STOX2: variants seen among roughly 807,000 people sequenced by gnomAD.
The protein encoded by STOX2 is storkhead-box protein 2.
STOX2 carries 28 observed loss-of-function variants against 60.9 expected under a neutral mutation model. That is an observed-to-expected ratio of 0.46 (90% confidence interval 0.34 to 0.63). The LOEUF is 0.63. STOX2 is among the 30% of genes least tolerant of loss of function. STOX2 has a pLI of 0.01. For missense variants in STOX2, 1,024 were observed against 1,187.7 expected, an observed-to-expected ratio of 0.86 and a Z score of 2.03; for synonymous variants, 472 against 463.9, an observed-to-expected ratio of 1.02 and a Z score of -0.22.
chr4:183,874,874 C>G (rs185375842), intron 1 of STOX2, among the ~76,000 whole-genome samples: 1 of 125,162 alleles, frequency 8.0e-6, no homozygotes, highest in South Asian at 2.6e-4. Flanking sequence ...TGCAGTGAGC[C>G]AAGATCATGC....
At chr4:183,830,145 AGCAGAACT>A (rs549875470) in intron 1 of STOX2, among the ~76,000 whole-genome samples, 231 of 152,246 alleles carry the variant, frequency 1.5e-3, no homozygotes, top group African/African-American at 5.3e-3. Context: ...CCAGTGTCTG[AGCAGAACT>A]AATTTCACAT....
At chr4:183,952,595 A>G (rs1450587478) in intron 1 of STOX2, among the ~76,000 whole-genome samples, 1 of 152,264 alleles carries the variant, frequency 6.6e-6, no homozygotes. Flanking sequence ...AGAACAGAAT[A>G]AAAATTTCTC....
intron 1 of STOX2, among the ~76,000 whole-genome samples, chr4:183,924,584 G>A (rs1742188999): frequency 6.6e-6 from 1 of 152,188 alleles, no homozygotes; most frequent in African/African-American, 2.4e-5. Context: ...GAGCTGTCGG[G>A]TTATTCTGAG....
At chr4:183,845,579 G>A (rs1294039366) in intron 1 of STOX2, among the ~76,000 whole-genome samples, 1 of 152,098 alleles carries the variant, frequency 6.6e-6, no homozygotes, top group Non-Finnish European at 1.5e-5. Context: ...CAAGGGAGTT[G>A]CAAACTCACA....
chr4:183,867,246 G>C lies in STOX2; in HGVS notation c.364+69191G>C, dbSNP rs150906576. Among the ~76,000 whole-genome samples the C allele has an allele frequency of 5.6e-4, 86 of 152,338 alleles. 2 individuals carry two copies. In the East Asian group the frequency reaches 0.01, roughly 18 times the overall value. The stretch of plus-strand genomic sequence containing the variant: ...ACATCTCCATTTGCCGCTGTCACTT[G>C]AGGAAATTTTACTAAAATTCAGAAG... On this transcript the variant is annotated intron_variant, in intron 1 of 2. Transcript: ENST00000513034.
intron 1 of STOX2, among the ~76,000 whole-genome samples, chr4:183,968,343 T>TAC (rs60432446): frequency 0.063 from 9,205 of 145,492 alleles, 300 homozygotes; most frequent in African/African-American, 0.076. Flanking sequence ...TGCATATACC[T>TAC]ACACACACAC....
At chr4:183,948,540 C>CTTTTTTTTTTTTTTTTTT (rs10687778) in intron 1 of STOX2, among the ~76,000 whole-genome samples, 3 of 78,180 alleles carry the variant, frequency 3.8e-5, no homozygotes, top group African/African-American at 9.4e-5. Flanking sequence ...ATGCCTTATC[C>CTTTTTTTTTTTTTTTTTT]TTTTTTTTTT....
intron 1 of STOX2, among the ~76,000 whole-genome samples, chr4:183,843,842 C>T (rs1185964363): frequency 6.6e-6 from 1 of 152,122 alleles, no homozygotes; most frequent in African/African-American, 2.4e-5. Flanking sequence ...TTTCTTCATA[C>T]GTCACTGTAT....
chr4:183,889,656 C>G (rs532724404), intron 1 of STOX2, among the ~76,000 whole-genome samples: 1 of 152,344 alleles, frequency 6.6e-6, no homozygotes, highest in South Asian at 2.1e-4. Flanking sequence ...GCAGCAACTT[C>G]GAGTCAGAGG....
chr4:183,916,481 A>G (rs138582015), intron 1 of STOX2, among the ~76,000 whole-genome samples: 9 of 152,318 alleles, frequency 5.9e-5, no homozygotes, highest in Non-Finnish European at 8.8e-5. Context: ...CAACATGGGA[A>G]TAATAATGGT....
In STOX2 at chr4:183,951,196, C is replaced by A. The variant is rs1274921737; in HGVS notation, c.166+44240C>A. On this transcript the variant is annotated intron_variant, in intron 1 of 3. Coordinates refer to ENST00000308497, the MANE Select transcript of STOX2 (RefSeq NM_020225.3). Reference sequence around the variant, plus strand: ...CGCCACTGCACTCCAGCCTGGGCGACAGAGCGAGACTCCGTCTCAAAAAAA... The same window carrying A: ...CGCCACTGCACTCCAGCCTGGGCGAAAGAGCGAGACTCCGTCTCAAAAAAA... 2.1e-5 allele frequency among the ~76,000 whole-genome samples: 3 copies of A among 140,610 alleles called. No homozygotes were observed. The East Asian group carries it at 6.3e-4, about 29-fold the overall frequency. The allele number at this position is 140,610 out of a possible 152,430, so 92.2% of individuals were successfully genotyped here. A position where few individuals can be genotyped will look rare whatever the true frequency, so the allele number is the denominator to read the frequency against.
chr4:183,961,153 G>C (rs1162283002), intron 1 of STOX2, among the ~76,000 whole-genome samples: 1 of 152,118 alleles, frequency 6.6e-6, no homozygotes, highest in Non-Finnish European at 1.5e-5. Flanking sequence ...TGTGTCGCTA[G>C]GGGGGACACA....
At chr4:183,841,060 G>A (rs1048942554) in intron 1 of STOX2, among the ~76,000 whole-genome samples, 3 of 152,136 alleles carry the variant, frequency 2.0e-5, no homozygotes, top group African/African-American at 7.2e-5. Context: ...TAGAGATAGG[G>A]TTTCACCATG....
At chr4:183,824,615 A>T (rs181467709) in intron 1 of STOX2, among the ~76,000 whole-genome samples, 1 of 152,356 alleles carries the variant, frequency 6.6e-6, no homozygotes, top group East Asian at 1.9e-4. Context: ...TTTGCTGTAA[A>T]CTGGTAAACA....
intron 1 of STOX2, 87 bp downstream of exon 1, chr4:183,907,043 C>A: frequency 8.4e-7 from 1 of 1,192,782 alleles, no homozygotes; most frequent in Non-Finnish European, 1.2e-6. Context: ...GAGGAGAGGA[C>A]GGGCAGTGAT....
At position 183,906,970 on chromosome 4, in the gene STOX2, C is replaced by G; in HGVS notation, c.166+14C>G. On this transcript the variant is annotated intron_variant, in intron 1 of 3. Coordinates refer to ENST00000308497, the MANE Select transcript of STOX2 (RefSeq NM_020225.3). The stretch of plus-strand genomic sequence containing the variant: ...ACATGACATCAGGTTGGTTGGTGAC[C>G]GCGTTTCTGCCCCCGGGCCGGGGCC... The G allele has an allele frequency of 2.0e-6, 3 of 1,513,608 alleles. No individual in the cohort carries two copies. Among genetic ancestry groups the G allele is most frequent in the Non-Finnish European group, 2.7e-6 (3 of 1,123,404 alleles). 93.8% of individuals were successfully genotyped at this position (1,513,608 alleles called of 1,614,324 possible).
At chr4:183,988,588 G>A (rs1218334858) in intron 1 of STOX2, 1 of 152,536 alleles carries the variant, frequency 6.6e-6, no homozygotes, top group Non-Finnish European at 1.5e-5. Context: ...GTAGATCTAC[G>A]AAGGTAAAGT....
intron 1 of STOX2, among the ~76,000 whole-genome samples, chr4:183,886,388 T>C (rs1204372268): frequency 6.6e-6 from 1 of 152,192 alleles, no homozygotes; most frequent in Non-Finnish European, 1.5e-5. Context: ...AGACAGGCCT[T>C]GTACCTAAGA....
intron 1 of STOX2, among the ~76,000 whole-genome samples, chr4:183,895,900 C>T (rs1741329871): frequency 6.6e-6 from 1 of 152,122 alleles, no homozygotes; most frequent in Admixed American, 6.6e-5. Context: ...GGACAAGGGC[C>T]TCTAAATCTG....
Sources: allele counts gnomAD v4.1 joint callset (sites outside exome capture counted in the v4.1 genomes callset), GRCh38; gene constraint gnomAD v4.1.1; transcripts MANE v1.5; gene names NCBI Gene and HGNC (gene_info 2026-07-23, HGNC 2026-07-21).